The following SMYD3 variants were observed in gnomAD, a reference collection of about 807,000 sequenced individuals.
The protein encoded by SMYD3 is histone-lysine N-methyltransferase SMYD3.
Under a neutral mutation model 57.7 loss-of-function variants are expected in SMYD3, and 36 were observed. The observed-to-expected ratio is 0.62, with a 90% CI of 0.48 to 0.82. The LOEUF is 0.82. Ranked by LOEUF, SMYD3 falls within the 40% of genes least tolerant of loss-of-function variation. The probability of loss-of-function intolerance (pLI) is 0.00; values close to 1 mark genes in which losing one functional copy is unlikely to be tolerated. For missense variants in SMYD3, 515 were observed against 538.8 expected (o/e 0.96, Z 0.44); for synonymous variants, 211 against 195.0 (o/e 1.08, Z -0.68).
At chr1:246,268,923 A>T (rs1267493423) in intron 5 of SMYD3, among the ~76,000 whole-genome samples, 1 of 151,428 alleles carries the variant, frequency 6.6e-6, no homozygotes, top group African/African-American at 2.4e-5. Flanking sequence ...ATCACTGTTA[A>T]TAAAATGATC....
intron 5 of SMYD3, among the ~76,000 whole-genome samples, chr1:246,267,607 C>T (rs2064133719): frequency 6.6e-6 from 1 of 152,218 alleles, no homozygotes; most frequent in African/African-American, 2.4e-5. Flanking sequence ...TAGAATTCCT[C>T]CTCCTCTCCT....
chr1:246,009,134 AG>A (rs1469843505), intron 5 of SMYD3, among the ~76,000 whole-genome samples: 2 of 152,208 alleles, frequency 1.3e-5, no homozygotes, highest in Non-Finnish European at 2.9e-5. Flanking sequence ...AAAAATCGAC[AG>A]GTGTGTATCG....
chr1:245,869,565 A>G (rs1352625596), intron 8 of SMYD3, among the ~76,000 whole-genome samples: 1 of 152,166 alleles, frequency 6.6e-6, no homozygotes, highest in East Asian at 1.9e-4. Flanking sequence ...AAACAGTACA[A>G]TCGTAGAGCT....
intron 5 of SMYD3, among the ~76,000 whole-genome samples, chr1:246,090,499 G>A (rs970410763): frequency 1.2e-4 from 17 of 147,100 alleles, no homozygotes; most frequent in Admixed American, 7.7e-4. Context: ...GAAAGAGAGA[G>A]AGCTGTTTTT....
chr1:246,353,369 T>A (rs2065862956), intron 2 of SMYD3, among the ~76,000 whole-genome samples: 1 of 151,538 alleles, frequency 6.6e-6, no homozygotes, highest in South Asian at 2.1e-4. Flanking sequence ...TCCATTAAAA[T>A]TTTTTTTTAA....
intron 5 of SMYD3, among the ~76,000 whole-genome samples, chr1:246,246,997 T>C (rs2063715228): frequency 6.6e-6 from 1 of 152,212 alleles, no homozygotes; most frequent in African/African-American, 2.4e-5. Flanking sequence ...AATACGAAGA[T>C]ACACATCAAA....
intron 10 of SMYD3, among the ~76,000 whole-genome samples, chr1:245,789,519 A>G (rs2047179838): frequency 6.6e-6 from 1 of 152,208 alleles, no homozygotes; most frequent in Admixed American, 6.5e-5. Flanking sequence ...GGTAATATAA[A>G]CAGGGGATGA....
intron 5 of SMYD3, among the ~76,000 whole-genome samples, chr1:246,041,408 A>G (rs1451235009): frequency 3.3e-5 from 5 of 152,192 alleles, no homozygotes; most frequent in African/African-American, 9.7e-5. Flanking sequence ...TAATCATCAA[A>G]AGACAAAATT....
chr1:246,372,494 G>A (rs2148732606), intron 1 of SMYD3, among the ~76,000 whole-genome samples: 1 of 152,286 alleles, frequency 6.6e-6, no homozygotes, highest in South Asian at 2.1e-4. Context: ...AATTTATTCA[G>A]ATAATCTTAC....
chr1:245,830,702 G>A (rs1271435648), intron 10 of SMYD3, among the ~76,000 whole-genome samples: 1 of 152,186 alleles, frequency 6.6e-6, no homozygotes, highest in African/African-American at 2.4e-5. Flanking sequence ...AGCGATAACA[G>A]ATTTTCCTGG....
chr1:246,227,675 G>A (rs370802432), intron 5 of SMYD3, among the ~76,000 whole-genome samples: 2 of 152,032 alleles, frequency 1.3e-5, no homozygotes, highest in East Asian at 3.9e-4. Flanking sequence ...AACTTTGAGT[G>A]GTGGATGAAA....
chr1:246,456,833 G>C (rs1407401204), intron 1 of SMYD3, among the ~76,000 whole-genome samples: 1 of 152,174 alleles, frequency 6.6e-6, no homozygotes, highest in Non-Finnish European at 1.5e-5. Context: ...TAAGCAGGCA[G>C]ACACAAGATC....
intron 1 of SMYD3, among the ~76,000 whole-genome samples, chr1:246,398,350 C>T (rs1303102920): frequency 1.3e-5 from 2 of 152,212 alleles, no homozygotes; most frequent in Non-Finnish European, 2.9e-5. Context: ...TTAGTTTGGC[C>T]CACGCCCAGA....
intron 10 of SMYD3, among the ~76,000 whole-genome samples, chr1:245,815,514 G>C (rs1438343473): frequency 1.3e-5 from 2 of 152,194 alleles, no homozygotes; most frequent in Non-Finnish European, 2.9e-5. Flanking sequence ...TAGAGACATG[G>C]GGCCTAGCCC....
chr1:246,006,327 C>T (rs1421998370), intron 5 of SMYD3, among the ~76,000 whole-genome samples: 7 of 55,108 alleles, frequency 1.3e-4, no homozygotes, highest in Admixed American at 2.3e-4. Flanking sequence ...GGAGGGGCGG[C>T]GGGGGGCGGG....
intron 5 of SMYD3, among the ~76,000 whole-genome samples, chr1:246,197,763 T>C (rs1414917632): frequency 6.6e-6 from 1 of 152,130 alleles, no homozygotes; most frequent in African/African-American, 2.4e-5. Flanking sequence ...ATTGTAATAA[T>C]GCACCATACT....
chr1:245,973,134 TAATGA>T (rs1418104001), intron 5 of SMYD3, among the ~76,000 whole-genome samples: 1 of 152,210 alleles, frequency 6.6e-6, no homozygotes, highest in East Asian at 1.9e-4. Context: ...AAAGGAAAGT[TAATGA>T]AATGAAGATG....
At chr1:245,856,548 C>T (rs2051250758) in intron 10 of SMYD3, among the ~76,000 whole-genome samples, 1 of 152,200 alleles carries the variant, frequency 6.6e-6, no homozygotes, top group East Asian at 1.9e-4. Context: ...ACAAGAAAGG[C>T]CTCTTTGTTT....
chr1:245,797,545 A>G (rs1178486490), intron 10 of SMYD3, among the ~76,000 whole-genome samples: 51 of 135,480 alleles, frequency 3.8e-4, no homozygotes, highest in South Asian at 1.1e-3. Flanking sequence ...GGGAGGGGGT[A>G]GGATAGCATT....
Sources: gnomAD v4.1 joint callset for allele counts (sites outside exome capture counted in the v4.1 genomes callset) on GRCh38, gnomAD v4.1.1 for gene constraint, MANE v1.5 for transcripts, NCBI Gene and HGNC (gene_info 2026-07-23, HGNC 2026-07-21) for gene names.